The following ACVR1 variants were observed in gnomAD, a reference collection of about 807,000 sequenced individuals.
The protein encoded by ACVR1 is activin receptor type-1.
Under a neutral mutation model 57.1 loss-of-function variants are expected in ACVR1, and 38 were observed. That is an observed-to-expected ratio of 0.67 (90% CI 0.51 to 0.87). The LOEUF (loss-of-function observed/expected upper bound fraction) is 0.87. ACVR1 is among the 40% of genes least tolerant of loss of function. ACVR1 has a pLI of 0.00. For missense variants in ACVR1, 463 were observed against 638.2 expected, an observed-to-expected ratio of 0.73 and a Z score of 2.96; for synonymous variants, 212 against 228.1, an observed-to-expected ratio of 0.93 and a Z score of 0.63.
intron 2 of ACVR1, among the ~76,000 whole-genome samples, chr2:157,808,085 C>G (rs1199503408): frequency 6.6e-6 from 1 of 152,118 alleles, no homozygotes; most frequent in Non-Finnish European, 1.5e-5. Context: ...CACCCACCCC[C>G]ATAAACTATA....
chr2:157,756,086 T>C (rs1222540742), intron 9 of ACVR1, among the ~76,000 whole-genome samples: 1 of 151,778 alleles, frequency 6.6e-6, no homozygotes, highest in African/African-American at 2.4e-5. Context: ...ATTCAACAAA[T>C]GGTGCTGGGA....
chr2:157,861,905 A>G (rs1380527288), intron 1 of ACVR1, among the ~76,000 whole-genome samples: 1 of 152,212 alleles, frequency 6.6e-6, no homozygotes, highest in African/African-American at 2.4e-5. Flanking sequence ...TCATAATTTA[A>G]TCCTAAAGTA....
At chr2:157,796,937 T>C (rs1687145402) in intron 3 of ACVR1, among the ~76,000 whole-genome samples, 1 of 152,192 alleles carries the variant, frequency 6.6e-6, no homozygotes, top group South Asian at 2.1e-4. Context: ...GGAATATCTT[T>C]AACAACACTG....
intron 1 of ACVR1, chr2:157,874,924 G>A (rs1303873872): frequency 7.0e-6 from 1 of 142,708 alleles, no homozygotes; most frequent in Non-Finnish European, 1.5e-5. Context: ...CTTTTCTTCT[G>A]TTACTAAGTG....
At chr2:157,859,902 A>C (rs951489911) in intron 1 of ACVR1, among the ~76,000 whole-genome samples, 1 of 152,180 alleles carries the variant, frequency 6.6e-6, no homozygotes, top group Non-Finnish European at 1.5e-5. Context: ...TACTTAAGAA[A>C]TAAATTCTTA....
At chr2:157,772,056 A>G (rs1421050613) in intron 6 of ACVR1, among the ~76,000 whole-genome samples, 1 of 152,244 alleles carries the variant, frequency 6.6e-6, no homozygotes, top group Non-Finnish European at 1.5e-5. Flanking sequence ...AATTATGGAT[A>G]CAAAATTACC....
intron 3 of ACVR1, among the ~76,000 whole-genome samples, chr2:157,796,957 G>A (rs1294649895): frequency 1.3e-5 from 2 of 152,118 alleles, no homozygotes; most frequent in Non-Finnish European, 2.9e-5. Context: ...GCTTAGAGTG[G>A]AATATAAACT....
chr2:157,823,308 T>G (rs1688221396), intron 1 of ACVR1, among the ~76,000 whole-genome samples: 1 of 152,204 alleles, frequency 6.6e-6, no homozygotes, highest in East Asian at 1.9e-4. Flanking sequence ...ACCTCATAAG[T>G]GATTTTTCTA....
chr2:157,866,300 C>T (rs1309183377), intron 1 of ACVR1, among the ~76,000 whole-genome samples: 3 of 152,086 alleles, frequency 2.0e-5, no homozygotes, highest in Non-Finnish European at 4.4e-5. Context: ...ATTCACCGCA[C>T]TTGGGCTTAG....
At chr2:157,787,330 A>AC (rs1686750285) in intron 3 of ACVR1, among the ~76,000 whole-genome samples, 1 of 152,096 alleles carries the variant, frequency 6.6e-6, no homozygotes, top group African/African-American at 2.4e-5. Context: ...GAAAATAATG[A>AC]CCCCTTTCTT....
chr2:157,801,087 G>A (rs1379873490), intron 2 of ACVR1, among the ~76,000 whole-genome samples: 1 of 152,116 alleles, frequency 6.6e-6, no homozygotes, highest in African/African-American at 2.4e-5. Flanking sequence ...GACCAAGCAA[G>A]GGTCATTCAT....
chr2:157,869,567 C>G (rs946495045), intron 1 of ACVR1, among the ~76,000 whole-genome samples: 5 of 152,232 alleles, frequency 3.3e-5, no homozygotes, highest in Admixed American at 6.5e-5. Context: ...TTTTTAACAC[C>G]TGTGCACATG....
At chr2:157,807,626 G>A (rs1477009431) in intron 2 of ACVR1, among the ~76,000 whole-genome samples, 2 of 151,372 alleles carry the variant, frequency 1.3e-5, no homozygotes, top group East Asian at 3.9e-4. Context: ...AGCTCTTCTA[G>A]ATATGTAATT....
chr2:157,844,264 G>A (rs1287529794), intron 1 of ACVR1, among the ~76,000 whole-genome samples: 1 of 152,154 alleles, frequency 6.6e-6, no homozygotes, highest in Non-Finnish European at 1.5e-5. Context: ...ACTGCCAAGA[G>A]CCCAGGTAAG....
intron 1 of ACVR1, among the ~76,000 whole-genome samples, chr2:157,823,531 C>T (rs1403185946): frequency 6.6e-6 from 1 of 152,074 alleles, no homozygotes; most frequent in Non-Finnish European, 1.5e-5. Flanking sequence ...TTCAGGTCTG[C>T]CTTACAGCCT....
intron 1 of ACVR1, among the ~76,000 whole-genome samples, chr2:157,849,645 T>C (rs1279865825): frequency 1.3e-5 from 2 of 152,244 alleles, no homozygotes; most frequent in Admixed American, 6.5e-5. Flanking sequence ...ACACTACACA[T>C]AGGCTTTTAT....
At chr2:157,833,874 T>G (rs1688676717) in intron 1 of ACVR1, among the ~76,000 whole-genome samples, 3 of 152,202 alleles carry the variant, frequency 2.0e-5, no homozygotes, top group Admixed American at 2.0e-4. Flanking sequence ...AAAATCCATT[T>G]TAGTTGTTTC....
intron 1 of ACVR1, among the ~76,000 whole-genome samples, chr2:157,865,855 G>GATAGAT (rs1553452961): frequency 1.3e-5 from 2 of 151,114 alleles, no homozygotes; most frequent in African/African-American, 4.9e-5. Flanking sequence ...TAGATAGATA[G>GATAGAT]ATAGATAGAT....
At chr2:157,870,440 T>C (rs1348745747) in intron 1 of ACVR1, among the ~76,000 whole-genome samples, 1 of 152,234 alleles carries the variant, frequency 6.6e-6, no homozygotes, top group Non-Finnish European at 1.5e-5. Flanking sequence ...TTATATGTGG[T>C]ATGTCCACTG....
Sources: gnomAD v4.1 joint callset for allele counts (sites outside exome capture counted in the v4.1 genomes callset) on GRCh38, gnomAD v4.1.1 for gene constraint, MANE v1.5 for transcripts, NCBI Gene and HGNC (gene_info 2026-07-23, HGNC 2026-07-21) for gene names.